The following OTULIN variants were observed in gnomAD, a reference collection of about 807,000 sequenced individuals.
OTULIN encodes ubiquitin thioesterase otulin.
In OTULIN, 15 loss-of-function variants were observed where a neutral mutation model predicts 39.6. The observed-to-expected ratio is 0.38, with a 90% confidence interval of 0.25 to 0.58. OTULIN has a LOEUF of 0.58. Ranked by LOEUF, OTULIN falls within the 20% of genes least tolerant of loss-of-function variation. The probability of loss-of-function intolerance (pLI) is 0.66; values close to 1 mark genes in which losing one functional copy is unlikely to be tolerated. For synonymous variants in OTULIN, 156 were observed against 170.3 expected, an observed-to-expected ratio of 0.92 and a Z score of 0.65; for missense variants, 319 against 445.9, an observed-to-expected ratio of 0.72 and a Z score of 2.56.
downstream of OTULIN, among the ~76,000 whole-genome samples, chr5:14,700,580 C>G (rs182557703): frequency 3.7e-3 from 498 of 136,174 alleles, 2 homozygotes; most frequent in Non-Finnish European, 5.5e-3. Flanking sequence ...CCCTCCCCAT[C>G]CATACCCTCT....
At position 14,694,507 on chromosome 5, in the gene OTULIN, T is replaced by A. The variant is rs1736616380; in HGVS notation, c.*1459T>A. The A allele has an allele frequency of 1.3e-5, 2 of 152,254 alleles. No homozygotes were observed. The allele number at this position is 152,254 out of a possible 1,614,324, so 9.4% of individuals were successfully genotyped here. Reference sequence around the variant, plus strand: ...TTTGTTTTATAATAATTAAAATCCTTATTTGGTCCAATTTAATATAGTTTA... The same window carrying A: ...TTTGTTTTATAATAATTAAAATCCTAATTTGGTCCAATTTAATATAGTTTA... On this transcript the variant is annotated 3_prime_UTR_variant, in exon 7 of 7. Coordinates refer to ENST00000284274, the MANE Select transcript of OTULIN (RefSeq NM_138348.6).
chr5:14,716,498 A>G, the OTULIN span, among the ~76,000 whole-genome samples: 2 of 152,244 alleles, frequency 1.3e-5, no homozygotes, highest in South Asian at 2.1e-4. Flanking sequence ...TCTCCAATAA[A>G]TAAATAAATA....
intron 1 of OTULIN, among the ~76,000 whole-genome samples, chr5:14,665,461 C>T (rs1192551944): frequency 6.6e-6 from 1 of 152,196 alleles, no homozygotes; most frequent in Non-Finnish European, 1.5e-5. Flanking sequence ...GACCCTTTAA[C>T]GGCCTGACTA....
At chr5:14,689,973 G>A (rs1736483370) in intron 5 of OTULIN, 66 bp from the exon 6 acceptor site, 3 of 1,510,844 alleles carry the variant, frequency 2.0e-6, no homozygotes, top group Admixed American at 2.1e-5. Context: ...TGTGCTCATA[G>A]TATGGTACTA....
At chr5:14,669,361 G>T (rs372855375) in intron 1 of OTULIN, among the ~76,000 whole-genome samples, 1 of 145,350 alleles carries the variant, frequency 6.9e-6, no homozygotes, top group East Asian at 1.9e-4. Context: ...GCGAAACTCC[G>T]TCTCAAAAAA....
At chr5:14,709,124 C>A in the OTULIN span, 3 of 152,204 alleles carry the variant, frequency 2.0e-5, no homozygotes, top group Non-Finnish European at 2.9e-5. Flanking sequence ...AAACTCCTGA[C>A]CTTAAGTGAT....
At chr5:14,710,972 G>A in the OTULIN span, 11 of 538,572 alleles carry the variant, frequency 2.0e-5, no homozygotes, top group Admixed American at 2.4e-4. Flanking sequence ...CAGTTGTTTC[G>A]TTTGTTTTTA....
the OTULIN span, chr5:14,709,090 T>C: frequency 0.99 from 151,181 of 152,256 alleles, 75,141 homozygotes; most frequent in Middle Eastern, 1. Context: ...GACAGGGTTT[T>C]GCCATGTTGG....
chr5:14,683,232 A>T (rs1484665192), intron 4 of OTULIN, among the ~76,000 whole-genome samples: 1 of 151,856 alleles, frequency 6.6e-6, no homozygotes, highest in African/African-American at 2.4e-5. Flanking sequence ...GGGCAACATA[A>T]GGAGACCCCT....
intron 6 of OTULIN, 42 bp from the exon 7 acceptor site, chr5:14,692,812 A>G: frequency 6.3e-7 from 1 of 1,581,356 alleles, no homozygotes; most frequent in Non-Finnish European, 8.7e-7. Flanking sequence ...CACGTTTTTC[A>G]GTGTGATCTT....
the OTULIN span, chr5:14,710,302 G>T: frequency 6.6e-6 from 1 of 152,242 alleles, no homozygotes; most frequent in South Asian, 2.1e-4. Flanking sequence ...AAGTTAGGAT[G>T]CTCCATGTGA....
intron 2 of OTULIN, among the ~76,000 whole-genome samples, chr5:14,674,803 C>G (rs1259884679): frequency 1.3e-5 from 2 of 152,070 alleles, no homozygotes; most frequent in Non-Finnish European, 2.9e-5. Context: ...AACATAAGCT[C>G]CATCAGTTTC....
chr5:14,668,415 T>C (rs949008143), intron 1 of OTULIN, among the ~76,000 whole-genome samples: 3 of 152,234 alleles, frequency 2.0e-5, no homozygotes, highest in Non-Finnish European at 2.9e-5. Flanking sequence ...GGGTGGAATT[T>C]TGGCCTGGGT....
chr5:14,664,977 A>C lies in OTULIN; in HGVS notation c.152A>C (p.His51Pro). 9.3e-7 allele frequency: 1 copy of C among 1,074,276 alleles called. No homozygotes were observed. Among genetic ancestry groups the C allele is most frequent in the Non-Finnish European group, 1.1e-6 (1 of 888,328 alleles). 66.5% of individuals were successfully genotyped at this position (1,074,276 alleles called of 1,614,324 possible). A position where few individuals can be genotyped will look rare whatever the true frequency, so the allele number is the denominator to read the frequency against. ...CCCGAGATGCAGTGCCCGGCCGAGC[A>C]GTGAGTCCGCGGGGGCGCGGGGCGC... ...PRPEMQCPAE[H>P]EEDMYRAADE... The change falls in exon 1 of 7, where the codon CAT becomes CCT. Residue 51 changes from histidine to proline, a missense_variant and splice_region_variant. Around this residue, in one of 4 missense-constraint regions of OTULIN, gnomAD observed 132 missense variants for 143.7 expected, o/e 0.92. Coordinates refer to ENST00000284274, the MANE Select transcript of OTULIN (RefSeq NM_138348.6).
intron 2 of OTULIN, 150 bp downstream of exon 2, chr5:14,673,868 G>C: frequency 1.8e-6 from 1 of 555,506 alleles, no homozygotes; most frequent in Non-Finnish European, 3.0e-6. Flanking sequence ...AAGTATGTTA[G>C]AGACTGTTTC....
At chr5:14,707,044 T>TA in the OTULIN span, 1 of 152,182 alleles carries the variant, frequency 6.6e-6, no homozygotes, top group Admixed American at 6.5e-5. Context: ...ACTTAGAAGA[T>TA]AAAGGACCCC....
At chr5:14,692,743 C>A (rs865982907) in intron 6 of OTULIN, 111 bp from the exon 7 acceptor site, 5 of 786,438 alleles carry the variant, frequency 6.4e-6, no homozygotes, top group Non-Finnish European at 9.8e-6. Context: ...GAGGAAAAAA[C>A]GTTGTGGCTT....
rs1055686725 is a variant in OTULIN at position 14,699,631 on chromosome 5, AAAGTGGAGAG to A, written c.*6586_*6595del. 1 of 152,192 alleles carries A rather than the reference AAAGTGGAGAG, an allele frequency of 6.6e-6. No individual in the cohort carries two copies. The highest frequency in any genetic ancestry group is 1.5e-5 in the Non-Finnish European group (1 of 68,050). The allele number at this position is 152,192 out of a possible 1,614,324, so 9.4% of individuals were successfully genotyped here. A position where few individuals can be genotyped will look rare whatever the true frequency, so the allele number is the denominator to read the frequency against. The stretch of plus-strand genomic sequence containing the variant: ...TTTCCACCGCCTTTTCCCACTCAAG[AAAGTGGAGAG>A]AAAAACAGGGATGCAGGCTGTGGGT... On this transcript the variant is annotated 3_prime_UTR_variant, in exon 7 of 7. Coordinates refer to ENST00000284274, the MANE Select transcript of OTULIN (RefSeq NM_138348.6).
intron 1 of OTULIN, among the ~76,000 whole-genome samples, chr5:14,669,128 C>T (rs1735921088): frequency 6.6e-6 from 1 of 150,684 alleles, no homozygotes; most frequent in African/African-American, 2.4e-5. Context: ...CTTTTGGAGG[C>T]TGAGGCAGGC....
Sources: gnomAD v4.1 joint callset for allele counts (sites outside exome capture counted in the v4.1 genomes callset) on GRCh38, gnomAD v4.1.1 for gene constraint, gnomAD v4.1.1 regional missense constraint, MANE v1.5 for transcripts, NCBI Gene and HGNC (gene_info 2026-07-23, HGNC 2026-07-21) for gene names.